The following NIN variants were observed in gnomAD, a reference collection of about 807,000 sequenced individuals.
NIN encodes ninein, also known as glycogen synthase kinase 3 beta-interacting protein.
NIN carries 137 observed loss-of-function variants against 257.6 expected under a neutral mutation model. The observed-to-expected ratio is 0.53, with a 90% CI of 0.46 to 0.61. The LOEUF is 0.61. Among genes scored for constraint, NIN ranks in the 20% least tolerant of loss-of-function variants. NIN has a pLI of 0.00. For missense variants in NIN, 2,439 were observed against 2,501.2 expected (o/e 0.98, Z 0.53); for synonymous variants, 918 against 919.8 (o/e 1.00, Z 0.04).
Position 50,792,798 on chromosome 14 carries a change from C to A in NIN, c.349G>T (p.Val117Leu), listed in dbSNP as rs374373270. ...RRSLPEFQES[V>L]EEFPEVTVIE... ...ACCGTCACTTCAGGAAACTCCTCCA[C>A]GGACTCTTGGAACTCGGGCAAGGAC... The change falls in exon 5 of 31, where the codon GTG becomes TTG. Residue 117 changes from valine to leucine, a missense_variant. This residue lies in a region of NIN where 387 missense variants were observed against 427.3 expected (regional missense o/e 0.91). Coordinates refer to ENST00000530997, the MANE Select transcript of NIN (RefSeq NM_020921.4). 2 of 1,614,084 alleles carry A rather than the reference C, an allele frequency of 1.2e-6. No individual in the cohort carries two copies. Among genetic ancestry groups the A allele is most frequent in the Non-Finnish European group, 1.7e-6 (2 of 1,180,034 alleles).
chr14:50,741,248 G>T (rs966086786), intron 25 of NIN, among the ~76,000 whole-genome samples: 2 of 151,824 alleles, frequency 1.3e-5, no homozygotes, highest in Non-Finnish European at 2.9e-5. Flanking sequence ...CTCAGCCATG[G>T]TCTTCTGACT....
intron 29 of NIN, among the ~76,000 whole-genome samples, 187 bp downstream of exon 29, chr14:50,729,336 C>G (rs564208854): frequency 6.6e-6 from 1 of 151,402 alleles, no homozygotes; most frequent in East Asian, 1.9e-4. Context: ...CACACATGAT[C>G]GTAGCTCACT....
Position 50,738,206 on chromosome 14 carries a change from T to C in NIN, c.5709A>G (p.Gln1903=). 1 of 1,614,180 alleles carries C rather than the reference T, an allele frequency of 6.2e-7. No homozygotes were observed. ...ACTCTCTCTTTAAGCTCAATTTTTC[T>C]TGCTCTGTGGGATTCATGGTACCTG... is the stretch of plus-strand genomic sequence containing the variant. ...NPSGTMNPTE[Q]EKLSLKRECD... Residue 1903 remains glutamine (Q), a synonymous_variant, in exon 27 of 31, where the codon CAA becomes CAG. Transcript: ENST00000530997.
chr14:50,769,944 A>G (rs943940157), intron 12 of NIN, among the ~76,000 whole-genome samples: 2 of 146,850 alleles, frequency 1.4e-5, no homozygotes, highest in Non-Finnish European at 3.0e-5. Context: ...CCCCATCTCA[A>G]AAAAAAAAAA....
chr14:50,762,147 C>G (rs1354491043), intron 15 of NIN, among the ~76,000 whole-genome samples: 1 of 152,098 alleles, frequency 6.6e-6, no homozygotes, highest in East Asian at 1.9e-4. Flanking sequence ...GTGGAAAAAA[C>G]CTTAATAGAA....
intron 4 of NIN, among the ~76,000 whole-genome samples, chr14:50,793,470 G>A (rs916855716): frequency 2.0e-5 from 3 of 151,940 alleles, no homozygotes; most frequent in South Asian, 2.1e-4. Flanking sequence ...TATGAAACCC[G>A]GCATCAAGAT....
chr14:50,729,299 C>T (rs1453977223), intron 29 of NIN, among the ~76,000 whole-genome samples: 1 of 151,308 alleles, frequency 6.6e-6, no homozygotes, highest in Non-Finnish European at 1.5e-5. Context: ...TGCTATGATG[C>T]CCAGGCTGGA....
At chr14:50,828,157 T>A (rs993155937) in intron 2 of NIN, among the ~76,000 whole-genome samples, 2 of 152,120 alleles carry the variant, frequency 1.3e-5, no homozygotes, top group African/African-American at 4.8e-5. Flanking sequence ...TAAGCCATAT[T>A]GACTCACATT....
At chr14:50,737,358 G>C (rs1051888178) in intron 27 of NIN, among the ~76,000 whole-genome samples, 14 of 152,062 alleles carry the variant, frequency 9.2e-5, no homozygotes, top group African/African-American at 3.4e-4. Flanking sequence ...CCAGTGAAGC[G>C]TTCGGGTAAC....
In NIN at chr14:50,770,922, T is replaced by G. The variant is rs763093140; in HGVS notation, c.1189A>C (p.Lys397Gln). 31 of 1,613,768 alleles carry G rather than the reference T, an allele frequency of 1.9e-5. No individual in the cohort carries two copies. Among genetic ancestry groups the G allele is most frequent in the Middle Eastern group, 1.6e-4 (1 of 6,084 alleles). The change falls in exon 11 of 31, where the codon AAG (lysine) becomes CAG (glutamine). Residue 397 changes from lysine to glutamine, a missense_variant. By Grantham distance (53) the Lys-to-Gln change is moderately conservative. Around this residue, in one of 3 missense-constraint regions of NIN, gnomAD observed 2,043 missense variants for 2,050.2 expected, o/e 1.00. Coordinates refer to ENST00000530997, the MANE Select transcript of NIN (RefSeq NM_020921.4). The stretch of plus-strand genomic sequence containing the variant: ...TCCACCTCCGAGGCCATTAAAGACT[T>G]GAGCTTCTCGGCCTTGTCCAGATCT... ...RSDLDKAEKL[K>Q]SLMASEVDDH...
chr14:50,752,556 ACTT>A lies in NIN; in HGVS notation c.4909_4911del (p.Lys1637del), dbSNP rs2041833025. On this transcript the variant is annotated inframe_deletion, in exon 21 of 31. Transcript: ENST00000530997. ...CGTTCCAGTTCTTCTTTCAGATTAA[ACTT>A]CTCTTGTTCCCGTTCCTCCAATGCA... 10 of 1,613,844 alleles carry A rather than the reference ACTT, an allele frequency of 6.2e-6. No homozygotes were observed. The highest frequency in any genetic ancestry group is 8.5e-6 in the Non-Finnish European group (10 of 1,179,928).
At chr14:50,789,112 A>C (rs1238549966) in intron 5 of NIN, among the ~76,000 whole-genome samples, 5 of 152,152 alleles carry the variant, frequency 3.3e-5, no homozygotes, top group Non-Finnish European at 1.5e-5. Context: ...ACTCCTTATG[A>C]AATAGTCACA....
At chr14:50,825,279 A>G (rs1390350645) in intron 2 of NIN, among the ~76,000 whole-genome samples, 1 of 152,244 alleles carries the variant, frequency 6.6e-6, no homozygotes, top group Non-Finnish European at 1.5e-5. Context: ...ATGCTATAGA[A>G]CAGACTGAGA....
At chr14:50,728,613 A>C (rs942836968) in intron 29 of NIN, among the ~76,000 whole-genome samples, 18 of 152,210 alleles carry the variant, frequency 1.2e-4, no homozygotes, top group African/African-American at 1.7e-4. Context: ...AAGGTATCTG[A>C]ACACACAAGC....
At chr14:50,830,059 A>T (rs993293069) in intron 2 of NIN, among the ~76,000 whole-genome samples, 1 of 152,218 alleles carries the variant, frequency 6.6e-6, no homozygotes, top group African/African-American at 2.4e-5. Context: ...CCGGGCTCCA[A>T]GCAGCTCTCC....
At chr14:50,753,210 A>G (rs2041871421) in intron 20 of NIN, among the ~76,000 whole-genome samples, 1 of 152,126 alleles carries the variant, frequency 6.6e-6, no homozygotes, top group Non-Finnish European at 1.5e-5. Context: ...GACCAGCCTG[A>G]ACAATATGAT....
chr14:50,763,713 C>CTTTTTT (rs5808571), intron 15 of NIN, 113 bp downstream of exon 15: 9 of 675,908 alleles, frequency 1.3e-5, no homozygotes, highest in African/African-American at 2.5e-5. Context: ...TGGCCAAATT[C>CTTTTTT]TTTTTTTTTT....
chr14:50,821,910 C>A lies in NIN; in HGVS notation c.147G>T (p.Leu49=), dbSNP rs2045241041. ...GGTTGTCCTGAAGTAATGTCTGCTG[C>A]AGCACTGGGGCCACCTCCTCCAAGC... ...MLSLEEVAPV[L]QQTLLQDNLL... Residue 49 remains leucine (L), a synonymous_variant, in exon 3 of 31, where the codon CTG becomes CTT. Transcript: ENST00000530997. 6.2e-7 allele frequency: 1 copy of A among 1,613,986 alleles called. No individual in the cohort carries two copies. Among genetic ancestry groups the A allele is most frequent in the African/African-American group, 1.3e-5 (1 of 74,906 alleles).
At chr14:50,807,688 C>T (rs2044392031) in intron 3 of NIN, among the ~76,000 whole-genome samples, 1 of 152,208 alleles carries the variant, frequency 6.6e-6, no homozygotes, top group South Asian at 2.1e-4. Flanking sequence ...TTACAAAACA[C>T]TGCCTAGAGG....
Sources: allele counts gnomAD v4.1 joint callset (sites outside exome capture counted in the v4.1 genomes callset), GRCh38; gene constraint gnomAD v4.1.1; regional missense constraint gnomAD v4.1.1; transcripts MANE v1.5; gene names NCBI Gene and HGNC (gene_info 2026-07-23, HGNC 2026-07-21).